Variants in NPAS1 observed in about 807,000 individuals in gnomAD.
NPAS1 encodes the protein neuronal PAS domain protein 1, also known as neuronal PAS domain-containing protein 1.
In NPAS1, 29 loss-of-function variants were observed where a neutral mutation model predicts 49.2. That is an observed-to-expected ratio of 0.59 (90% CI 0.44 to 0.80). NPAS1 has a LOEUF of 0.80. NPAS1 is among the 30% of genes least tolerant of loss of function. NPAS1 has a pLI of 0.00. For missense variants in NPAS1, 825 were observed against 835.5 expected, an observed-to-expected ratio of 0.99 and a Z score of 0.15; for synonymous variants, 408 against 380.4, an observed-to-expected ratio of 1.07 and a Z score of -0.84.
chr19:47,025,076 G>A lies in NPAS1; in HGVS notation c.358+3229G>A, dbSNP rs533732716. ...CTCCCAAAGTGCTGGGATTGCAGGC[G>A]TGAGGCGCCGTGCCCGGCTTTTACA... On this transcript the variant is annotated intron_variant, in intron 3 of 11. Transcript: ENST00000602212. Among the ~76,000 whole-genome samples, 16 of 135,636 alleles carry A rather than the reference G, an allele frequency of 1.2e-4. 1 individual carries two copies. The highest frequency in any genetic ancestry group is 3.9e-4 in the African/African-American group (16 of 40,718). The allele number at this position is 135,636 out of a possible 152,430, so 89.0% of individuals were successfully genotyped here.
At chr19:47,020,306 A>G (rs984513509) in intron 1 of NPAS1, among the ~76,000 whole-genome samples, 2 of 152,000 alleles carry the variant, frequency 1.3e-5, no homozygotes, top group African/African-American at 4.8e-5. Flanking sequence ...TCAGGAGACC[A>G]GGACACCTGG....
intron 5 of NPAS1, 128 bp downstream of exon 5, chr19:47,032,860 A>G: frequency 1.4e-6 from 1 of 693,772 alleles, no homozygotes; most frequent in East Asian, 2.7e-5. Flanking sequence ...TGTGGTCCCC[A>G]AAGTGTGTTC....
chr19:47,043,163 G>A (rs1230957356), intron 11 of NPAS1, among the ~76,000 whole-genome samples: 1 of 150,102 alleles, frequency 6.7e-6, no homozygotes, highest in Non-Finnish European at 1.5e-5. Context: ...GGGCGTGGTG[G>A]CATGCGCCTG....
chr19:47,021,138 G>C lies in NPAS1; in HGVS notation c.91G>C (p.Gly31Arg), dbSNP rs764061365. Residue 31 changes from glycine (G) to arginine (R), a missense_variant, in exon 2 of 12, where the codon GGG becomes CGG. Gly to Arg is a moderately radical substitution (Grantham distance 125, BLOSUM62 -2). Coordinates refer to ENST00000602212, the MANE Select transcript of NPAS1 (RefSeq NM_002517.4). The surrounding 1 kb of genome is among the most constrained non-coding windows in gnomAD (Gnocchi z 5.7). ...GASVPWDFLP[G>R]LMVKAPSGPC... is the part of the protein sequence containing the mutation. ...CAGCGTCCCCTGGGACTTTCTACCC[G>C]GGCTGATGGTCAAGGCGCCGTCCGG... is the stretch of plus-strand genomic sequence containing the variant. The C allele has an allele frequency of 1.3e-6, 2 of 1,598,508 alleles. No homozygotes were observed. The highest frequency in any genetic ancestry group is 1.7e-6 in the Non-Finnish European group (2 of 1,173,572).
intron 1 of NPAS1, among the ~76,000 whole-genome samples, chr19:47,020,522 G>A (rs2056831967): frequency 6.6e-6 from 1 of 151,702 alleles, no homozygotes; most frequent in Non-Finnish European, 1.5e-5. Flanking sequence ...TCTGCCCCCT[G>A]CCTCCTTAGC....
At chr19:47,020,898 C>CA in intron 1 of NPAS1, 108 bp from the exon 2 acceptor site, 1 of 362,920 alleles carries the variant, frequency 2.8e-6, no homozygotes, top group Non-Finnish European at 4.8e-6. Flanking sequence ...ATCCAGGCCC[C>CA]CCCCCCCCCA....
intron 3 of NPAS1, among the ~76,000 whole-genome samples, chr19:47,024,693 C>G (rs1315395094): frequency 6.6e-6 from 1 of 152,138 alleles, no homozygotes; most frequent in East Asian, 1.9e-4. Context: ...AGGTCTCTGC[C>G]TCTCTGGGCC....
intron 3 of NPAS1, among the ~76,000 whole-genome samples, chr19:47,031,684 C>A (rs1223768725): frequency 6.6e-6 from 1 of 151,854 alleles, no homozygotes; most frequent in East Asian, 1.9e-4. Context: ...GCGCCCACCT[C>A]CACACCCGGC....
intron 11 of NPAS1, 69 bp from the exon 12 acceptor site, chr19:47,045,122 C>A: frequency 6.8e-7 from 1 of 1,473,744 alleles, no homozygotes; most frequent in Non-Finnish European, 9.3e-7. Flanking sequence ...CTAAGCACAG[C>A]TCCATTCCAC....
rs1914551976 is a variant in NPAS1, at chr19:47,040,746, G to GA, written c.1069+196_1069+197insA. 5.0e-6 allele frequency: 3 copies of GA among 599,016 alleles called. No homozygotes were observed. The African/African-American group carries it at 5.6e-5, about 11-fold the overall frequency. 37.1% of individuals were successfully genotyped at this position (599,016 alleles called of 1,614,324 possible). The stretch of plus-strand genomic sequence containing the variant: ...GCCTCAGGATGTGTGTGTGGGGGGG[G>GA]GGTCTGGGGGGCTGTGGGGTCTCCA... On this transcript the variant is annotated intron_variant, in intron 9 of 11. Transcript: ENST00000602212.
intron 9 of NPAS1, chr19:47,040,762 G>C: frequency 3.3e-6 from 2 of 601,148 alleles, no homozygotes; most frequent in Non-Finnish European, 5.8e-6. Context: ...GGGGGGCTGT[G>C]GGGTCTCCAA....
Position 47,039,499 on chromosome 19 carries a change from A to G in NPAS1, c.897A>G (p.Pro299=), listed in dbSNP as rs748024424. 5 of 1,609,902 alleles carry G rather than the reference A, an allele frequency of 3.1e-6. No individual in the cohort carries two copies. In the South Asian group the frequency reaches 5.5e-5, roughly 18 times the overall value. ...TLPPAPLAEL[P]LHGHMIVFRL... is the part of the protein sequence containing the mutation. The stretch of plus-strand genomic sequence containing the variant: ...CCCCGGCCCCCCTGGCTGAGCTGCC[A>G]CTCCATGGACACATGATCGTCTTCC... The change falls in exon 8 of 12, where the codon CCA becomes CCG. Residue 299 remains proline, a synonymous_variant. Transcript: ENST00000602212.
intron 5 of NPAS1, among the ~76,000 whole-genome samples, chr19:47,034,249 G>A (rs917090958): frequency 2.0e-5 from 3 of 150,844 alleles, no homozygotes; most frequent in African/African-American, 7.3e-5. Context: ...AGGAAGTGGA[G>A]GGTACAGTGA....
chr19:47,030,226 G>A (rs1454238966), intron 3 of NPAS1, among the ~76,000 whole-genome samples: 1 of 152,084 alleles, frequency 6.6e-6, no homozygotes, highest in Non-Finnish European at 1.5e-5. Flanking sequence ...ATTTCACCAT[G>A]TTGGCCAGGC....
At chr19:47,042,159 A>T (rs1182960827) in intron 10 of NPAS1, among the ~76,000 whole-genome samples, 1 of 152,034 alleles carries the variant, frequency 6.6e-6, no homozygotes, top group East Asian at 1.9e-4. Context: ...TTTAAAAAAA[A>T]TTAGCTGGGC....
At chr19:47,036,813 T>G (rs1305379314) in intron 6 of NPAS1, among the ~76,000 whole-genome samples, 1 of 150,882 alleles carries the variant, frequency 6.6e-6, no homozygotes, top group Non-Finnish European at 1.5e-5. Flanking sequence ...ACCCAGGAGA[T>G]GGATGTTGCA....
At position 47,037,478 on chromosome 19, in the gene NPAS1, C is replaced by T. The variant is rs117319114; in HGVS notation, c.688+1349C>T. Among the ~76,000 whole-genome samples, 111 of 151,812 alleles carry T rather than the reference C, an allele frequency of 7.3e-4. 1 individual carries two copies. In the East Asian group the frequency reaches 0.021, roughly 28 times the overall value. On this transcript the variant is annotated intron_variant, in intron 6 of 11. Transcript: ENST00000602212. ...GGTTAAGTTAATTGCCCCCAGGTCA[C>T]ACAGCTATAAGTGATTGAGTTGGAT...
At chr19:47,032,603 G>A (rs772767434) in intron 4 of NPAS1, 40 bp from the exon 5 acceptor site, 15 of 1,565,378 alleles carry the variant, frequency 9.6e-6, no homozygotes, top group South Asian at 4.4e-5. Context: ...GAGGGACACC[G>A]GGTCCTCTCC....
At chr19:47,040,843 T>C in intron 9 of NPAS1, 135 bp from the exon 10 acceptor site, 1 of 752,936 alleles carries the variant, frequency 1.3e-6, no homozygotes, top group Non-Finnish European at 2.1e-6. Flanking sequence ...GCTTTCACCT[T>C]TTTCTCTTCT....
Sources: gnomAD v4.1 joint callset for allele counts (sites outside exome capture counted in the v4.1 genomes callset) on GRCh38, gnomAD v4.1.1 for gene constraint, Gnocchi (gnomAD v3.1) non-coding constraint, MANE v1.5 for transcripts, NCBI Gene and HGNC (gene_info 2026-07-23, HGNC 2026-07-21) for gene names.